XKR9: variants seen among roughly 807,000 people sequenced by gnomAD.
The protein encoded by XKR9 is XK-related protein 9.
XKR9 carries 32 observed loss-of-function variants against 32.0 expected under a neutral mutation model. The ratio of observed to expected loss-of-function variants is 1.00; its 90% CI spans 0.76 to 1.34. The LOEUF (loss-of-function observed/expected upper bound fraction) is 1.34, where lower values mean the gene tolerates loss of function less well. Ranked by LOEUF, XKR9 falls within the 40% of genes most tolerant of loss-of-function variation. The pLI is 0.00. For synonymous variants in XKR9, 168 were observed against 143.4 expected (o/e 1.17, Z -1.22); for missense variants, 546 against 429.7 (o/e 1.27, Z -2.39).
At position 70,787,163 on chromosome 8, in the gene XKR9, C is replaced by T. The variant is rs150576767; in HGVS notation, n.353-2176C>T. The stretch of plus-strand genomic sequence containing the variant: ...GATTAGCAAAATTGTTCAATAACAT[C>T]CTGTATCTCCATGTTGTAGCCAAAT... On this transcript the variant is annotated intron_variant and non_coding_transcript_variant, in intron 2 of 3. Coordinates refer to the XKR9 transcript ENST00000520273. 6.6e-5 allele frequency among the ~76,000 whole-genome samples: 10 copies of T among 152,214 alleles called. No individual in the cohort carries two copies. In the East Asian group the frequency reaches 1.7e-3, roughly 26 times the overall value.
intron 2 of XKR9, among the ~76,000 whole-genome samples, chr8:70,776,597 A>C (rs1196277188): frequency 6.6e-6 from 1 of 151,758 alleles, no homozygotes; most frequent in African/African-American, 2.4e-5. Flanking sequence ...AGCTCCTGCA[A>C]CTCCCTCCAG....
At chr8:70,717,644 T>A (rs1004169143) in intron 4 of XKR9, among the ~76,000 whole-genome samples, 2 of 152,148 alleles carry the variant, frequency 1.3e-5, no homozygotes, top group African/African-American at 4.8e-5. Flanking sequence ...TTTTTTCATC[T>A]TAGGCCTCCA....
intron 2 of XKR9, among the ~76,000 whole-genome samples, chr8:70,785,774 T>TATACACATATATACATAC (rs1807680179): frequency 1.3e-5 from 2 of 148,532 alleles, no homozygotes; most frequent in African/African-American, 2.5e-5. Flanking sequence ...TGTGTATATA[T>TATACACATATATACATAC]GTATATATAT....
chr8:70,793,286 G>A (rs528706254), downstream of XKR9, among the ~76,000 whole-genome samples: 4 of 152,202 alleles, frequency 2.6e-5, no homozygotes, highest in African/African-American at 7.2e-5. Flanking sequence ...AGTATTGAGA[G>A]GTGAGGTCAT....
the XKR9 span, among the ~76,000 whole-genome samples, chr8:71,054,815 T>C: frequency 6.6e-6 from 1 of 152,214 alleles, no homozygotes; most frequent in Non-Finnish European, 1.5e-5. Flanking sequence ...AGATCTAAAT[T>C]AAGCAACTCT....
chr8:70,762,173 G>A (rs1807318239), intron 2 of XKR9, among the ~76,000 whole-genome samples: 1 of 151,940 alleles, frequency 6.6e-6, no homozygotes, highest in African/African-American at 2.4e-5. Flanking sequence ...ATTGCCTTGG[G>A]TATTTGGGCT....
chr8:70,728,739 G>C (rs1320994150), intron 4 of XKR9, among the ~76,000 whole-genome samples: 2 of 152,104 alleles, frequency 1.3e-5, no homozygotes, highest in African/African-American at 2.4e-5. Flanking sequence ...GAACTAATTT[G>C]TTTACAAAAT....
At chr8:70,802,063 A>G in the XKR9 span, among the ~76,000 whole-genome samples, 2 of 151,142 alleles carry the variant, frequency 1.3e-5, no homozygotes, top group Non-Finnish European at 2.9e-5. Flanking sequence ...CAGCCTCCCG[A>G]GTAGCTGGGA....
At chr8:70,803,079 A>C in the XKR9 span, among the ~76,000 whole-genome samples, 2 of 152,106 alleles carry the variant, frequency 1.3e-5, no homozygotes, top group African/African-American at 4.8e-5. Context: ...CCTCTCTTTT[A>C]GGGTTGACAG....
chr8:70,788,784 A>C (rs2130265540), intron 2 of XKR9, among the ~76,000 whole-genome samples: 1 of 152,244 alleles, frequency 6.6e-6, no homozygotes, highest in Admixed American at 6.6e-5. Flanking sequence ...AATGTTTAAC[A>C]AAAATTTGAC....
the XKR9 span, among the ~76,000 whole-genome samples, chr8:71,020,640 A>C: frequency 6.6e-6 from 1 of 152,208 alleles, no homozygotes. Flanking sequence ...TAGTTGATAC[A>C]TAATATTTTT....
At chr8:70,910,079 A>G in the XKR9 span, among the ~76,000 whole-genome samples, 72 of 151,848 alleles carry the variant, frequency 4.7e-4, no homozygotes, top group African/African-American at 1.6e-3. Flanking sequence ...ATGCTTATTA[A>G]CCTGAACCCT....
chr8:70,939,835 A>G, the XKR9 span, among the ~76,000 whole-genome samples: 2 of 152,094 alleles, frequency 1.3e-5, no homozygotes, highest in South Asian at 4.1e-4. Context: ...TGCAACAACA[A>G]CATTAAGAAC....
chr8:70,710,312 A>G (rs1260554337), intron 4 of XKR9, among the ~76,000 whole-genome samples: 1 of 152,208 alleles, frequency 6.6e-6, no homozygotes, highest in Admixed American at 6.5e-5. Context: ...AAAGACTTAA[A>G]CATAAAATGA....
intron 2 of XKR9, among the ~76,000 whole-genome samples, chr8:70,678,332 AATAG>A (rs1349180689): frequency 6.6e-6 from 1 of 152,242 alleles, no homozygotes; most frequent in Admixed American, 6.5e-5. Context: ...AATGATACAT[AATAG>A]ATGTACATAT....
chr8:70,847,808 A>G, the XKR9 span, among the ~76,000 whole-genome samples: 1 of 151,998 alleles, frequency 6.6e-6, no homozygotes, highest in East Asian at 1.9e-4. Flanking sequence ...ATAATAAATA[A>G]AAAGATTGAA....
chr8:70,792,236 C>T (rs1010604148), downstream of XKR9, among the ~76,000 whole-genome samples: 3 of 151,986 alleles, frequency 2.0e-5, no homozygotes, highest in African/African-American at 7.2e-5. Context: ...TATGGGGAAA[C>T]AAAAATTACT....
chr8:70,902,196 A>G, the XKR9 span, among the ~76,000 whole-genome samples: 1 of 152,180 alleles, frequency 6.6e-6, no homozygotes, highest in African/African-American at 2.4e-5. Flanking sequence ...GAAGAAAGTC[A>G]TTGGTATCTT....
At chr8:70,783,465 A>G (rs1357870542) in intron 2 of XKR9, among the ~76,000 whole-genome samples, 1 of 152,094 alleles carries the variant, frequency 6.6e-6, no homozygotes, top group Non-Finnish European at 1.5e-5. Flanking sequence ...TGACCTCGTG[A>G]TCTGCCTGCC....
Sources: gnomAD v4.1 joint callset for allele counts (sites outside exome capture counted in the v4.1 genomes callset) on GRCh38, gnomAD v4.1.1 for gene constraint, MANE v1.5 for transcripts, NCBI Gene and HGNC (gene_info 2026-07-23, HGNC 2026-07-21) for gene names.